ANK3: variants seen among roughly 807,000 people sequenced by gnomAD.
ANK3 encodes the protein ankyrin-3.
In ANK3, 57 loss-of-function variants were observed where a neutral mutation model predicts 370.9. The ratio of observed to expected loss-of-function variants is 0.15; its 90% CI spans 0.12 to 0.19. The LOEUF is 0.19. Ranked by LOEUF, ANK3 falls within the 10% of genes least tolerant of loss-of-function variation. ANK3 has a pLI of 1.00. For synonymous variants in ANK3, 1,929 were observed against 1,946.3 expected (o/e 0.99, Z 0.23); for missense variants, 4,439 against 5,302.1 (o/e 0.84, Z 5.06).
At chr10:60,577,054 T>C (rs1402516927) in intron 2 of ANK3, among the ~76,000 whole-genome samples, 3 of 152,238 alleles carry the variant, frequency 2.0e-5, no homozygotes, top group African/African-American at 7.2e-5. Flanking sequence ...CTAGGCTCCA[T>C]CAGGTGCATT....
chr10:60,418,438 C>T (rs1325231250), intron 2 of ANK3, among the ~76,000 whole-genome samples: 2 of 152,112 alleles, frequency 1.3e-5, no homozygotes, highest in African/African-American at 2.4e-5. Flanking sequence ...TTTGTCTTTG[C>T]TTTCATAGCT....
At chr10:60,330,159 G>C (rs767466326) in intron 1 of ANK3, among the ~76,000 whole-genome samples, 1 of 152,120 alleles carries the variant, frequency 6.6e-6, no homozygotes, top group Non-Finnish European at 1.5e-5. Context: ...AGACTGAAAC[G>C]TAAGACCTAA....
At chr10:60,654,478 T>C (rs1331519659) in intron 1 of ANK3, among the ~76,000 whole-genome samples, 1 of 152,198 alleles carries the variant, frequency 6.6e-6, no homozygotes, top group Non-Finnish European at 1.5e-5. Flanking sequence ...ATTCCTTATC[T>C]GTTGTGAGTG....
intron 1 of ANK3, among the ~76,000 whole-genome samples, chr10:60,637,835 T>A (rs2078576491): frequency 6.6e-6 from 1 of 152,196 alleles, no homozygotes; most frequent in Non-Finnish European, 1.5e-5. Context: ...TCCTTTCTGA[T>A]GTAAATTAAA....
chr10:60,516,413 G>C (rs917290135), intron 2 of ANK3, among the ~76,000 whole-genome samples: 4 of 152,110 alleles, frequency 2.6e-5, no homozygotes, highest in Admixed American at 6.6e-5. Context: ...CCCTGGAAGA[G>C]AGAGGGACAG....
At chr10:60,264,080 T>A in intron 5 of ANK3, 60 bp from the exon 6 acceptor site, 1 of 1,441,880 alleles carries the variant, frequency 6.9e-7, no homozygotes. Flanking sequence ...TTTATTAAAT[T>A]AACAAATAAG....
chr10:60,146,009 G>A (rs2094804578), intron 23 of ANK3: 1 of 1,225,730 alleles, frequency 8.2e-7, no homozygotes, highest in African/African-American at 1.5e-5. Flanking sequence ...TTTGTACCAT[G>A]TGCATCTATT....
chr10:60,637,406 G>T (rs1354293682), intron 1 of ANK3, among the ~76,000 whole-genome samples: 1 of 152,164 alleles, frequency 6.6e-6, no homozygotes, highest in Admixed American at 6.6e-5. Context: ...TATTGAGGGT[G>T]TGCCAAAATA....
At chr10:60,725,067 T>C (rs2079922207) in intron 1 of ANK3, among the ~76,000 whole-genome samples, 1 of 152,254 alleles carries the variant, frequency 6.6e-6, no homozygotes. Context: ...AGTATCTTTA[T>C]GTAAGATGTA....
intron 2 of ANK3, among the ~76,000 whole-genome samples, chr10:60,439,220 C>G (rs2064232219): frequency 6.6e-6 from 1 of 152,038 alleles, no homozygotes; most frequent in Admixed American, 6.6e-5. Context: ...AGATGTGGCT[C>G]CACTGTAAAA....
At chr10:60,424,108 T>G (rs538949583) in intron 2 of ANK3, among the ~76,000 whole-genome samples, 32 of 152,020 alleles carry the variant, frequency 2.1e-4, no homozygotes, top group Non-Finnish European at 4.0e-4. Context: ...ATTTAAGGGC[T>G]TGGTTAAAAG....
At chr10:60,722,498 A>C (rs183150200) in intron 1 of ANK3, among the ~76,000 whole-genome samples, 7 of 152,158 alleles carry the variant, frequency 4.6e-5, no homozygotes, top group Admixed American at 3.3e-4. Context: ...CCTCAAAGAC[A>C]GGCTAAAAAT....
intron 1 of ANK3, among the ~76,000 whole-genome samples, chr10:60,731,103 T>C (rs2127347): frequency 0.99 from 150,091 of 152,322 alleles, 73,984 homozygotes; most frequent in East Asian, 1. Context: ...AAAGAAGTAA[T>C]TAATTGGAGA....
chr10:60,083,722 G>A (rs1226113526), intron 32 of ANK3, 105 bp from the exon 33 acceptor site: 7 of 965,918 alleles, frequency 7.2e-6, no homozygotes, highest in African/African-American at 1.7e-5. Flanking sequence ...TATGTTACAC[G>A]TGTCTCTATT....
At chr10:60,564,569 T>A (rs1321660656) in intron 2 of ANK3, among the ~76,000 whole-genome samples, 1 of 152,234 alleles carries the variant, frequency 6.6e-6, no homozygotes, top group South Asian at 2.1e-4. Flanking sequence ...CAGGACCAGA[T>A]AAGAATACAA....
intron 1 of ANK3, among the ~76,000 whole-genome samples, chr10:60,324,729 A>G (rs1209000739): frequency 1.3e-5 from 2 of 152,066 alleles, no homozygotes; most frequent in Admixed American, 6.5e-5. Flanking sequence ...TACTCTCACA[A>G]TTCTAGAATA....
chr10:60,426,429 T>C (rs781313310), intron 2 of ANK3, among the ~76,000 whole-genome samples: 4 of 152,136 alleles, frequency 2.6e-5, no homozygotes, highest in Non-Finnish European at 4.4e-5. Flanking sequence ...ATCTCATAAT[T>C]GCATATCTCA....
rs546298232 is a variant in ANK3 at position 60,533,649 on chromosome 10, G to C, written c.96+81537C>G. 1.3e-4 allele frequency among the ~76,000 whole-genome samples: 20 copies of C among 152,168 alleles called. No homozygotes were observed. In the South Asian group the frequency reaches 3.9e-3, roughly 30 times the overall value. On this transcript the variant is annotated intron_variant, in intron 2 of 43. Coordinates refer to the ANK3 transcript ENST00000373827. The stretch of plus-strand genomic sequence containing the variant: ...TCTGACCCCATTATTTGTAATGCAT[G>C]TTCATTTTGTCATGAGCTGGGCCGA...
chr10:60,172,336 A>G lies in ANK3; in HGVS notation c.2450T>C (p.Ile817Thr). 6.2e-7 allele frequency: 1 copy of G among 1,613,958 alleles called. No individual in the cohort carries two copies. Among genetic ancestry groups the G allele is most frequent in the Non-Finnish European group, 8.5e-7 (1 of 1,179,854 alleles). The change falls in exon 21 of 44, where the codon ATA becomes ACA. Residue 817 changes from isoleucine to threonine, a missense_variant. This residue lies in a region of ANK3 where 702 missense variants were observed against 941.5 expected (regional missense o/e 0.75). Coordinates refer to ENST00000280772, the MANE Select transcript of ANK3 (RefSeq NM_020987.5). ...GYISVVDTLKIVTEETMTTTT... is the reference protein window; with the variant it reads ...GYISVVDTLKTVTEETMTTTT... The stretch of plus-strand genomic sequence containing the variant: ...TGTGGTCATGGTCTCTTCGGTCACT[A>G]TCTTCAGGGTGTCCACTACTGAGAT...
Sources: allele counts gnomAD v4.1 joint callset (sites outside exome capture counted in the v4.1 genomes callset), GRCh38; gene constraint gnomAD v4.1.1; regional missense constraint gnomAD v4.1.1; transcripts MANE v1.5; gene names NCBI Gene and HGNC (gene_info 2026-07-23, HGNC 2026-07-21).